CRADD: variants seen among roughly 807,000 people sequenced by gnomAD.
CRADD encodes CARD and death domain containing adaptor protein.
In CRADD, 9 loss-of-function variants were observed where a neutral mutation model predicts 15.5. The observed-to-expected ratio is 0.58, with a 90% confidence interval of 0.35 to 1.01. CRADD has a LOEUF of 1.01. Ranked by LOEUF, CRADD falls within the 50% of genes least tolerant of loss-of-function variation. The probability of loss-of-function intolerance (pLI) is 0.02; values close to 1 mark genes in which losing one functional copy is unlikely to be tolerated. For missense variants in CRADD, 227 were observed against 250.3 expected (o/e 0.91, Z 0.63); for synonymous variants, 118 against 107.6 (o/e 1.10, Z -0.60).
intron 2 of CRADD, among the ~76,000 whole-genome samples, chr12:93,891,818 C>A (rs1318265422): frequency 6.6e-6 from 1 of 152,198 alleles, no homozygotes; most frequent in Non-Finnish European, 1.5e-5. Context: ...GCACTTCTCA[C>A]CACACTGCCT....
chr12:93,773,902 A>G (rs1441145524), intron 2 of CRADD, among the ~76,000 whole-genome samples: 1 of 140,910 alleles, frequency 7.1e-6, no homozygotes, highest in East Asian at 2.3e-4. Context: ...CTCTAGTGCA[A>G]TGGTGTGATC....
chr12:93,739,493 T>TA (rs796135681), intron 2 of CRADD, among the ~76,000 whole-genome samples: 101 of 143,094 alleles, frequency 7.1e-4, no homozygotes, highest in African/African-American at 1.4e-3. Context: ...GAGGAGTTCC[T>TA]AAAAAAAAAA....
intron 2 of CRADD, among the ~76,000 whole-genome samples, chr12:93,681,812 C>G (rs1341513507): frequency 6.6e-6 from 1 of 152,020 alleles, no homozygotes; most frequent in Middle Eastern, 3.2e-3. Flanking sequence ...CTAAAAATCA[C>G]TTTTAAAATC....
At chr12:93,696,004 C>T (rs1022107483) in intron 2 of CRADD, among the ~76,000 whole-genome samples, 2 of 152,040 alleles carry the variant, frequency 1.3e-5, no homozygotes, top group Admixed American at 1.3e-4. Context: ...TCGCAAATCA[C>T]CAGGGAAATG....
intron 2 of CRADD, among the ~76,000 whole-genome samples, chr12:93,892,153 C>T (rs756453070): frequency 1.3e-5 from 2 of 152,154 alleles, no homozygotes; most frequent in African/African-American, 2.4e-5. Flanking sequence ...TCTTTGCTCA[C>T]GCTGCTTTAC....
At position 93,869,704 on chromosome 12, in the gene CRADD, A is replaced by G. The variant is rs532732257; in HGVS notation, c.299-24346A>G. ...GGATCAACATCAGTTTGAAAACAAC[A>G]GAAGGAAAGATCAGAGAACTTGAAG... is the stretch of plus-strand genomic sequence containing the variant. On this transcript the variant is annotated intron_variant, in intron 2 of 2. Coordinates refer to the CRADD transcript ENST00000548483. 3.0e-4 allele frequency among the ~76,000 whole-genome samples: 46 copies of G among 152,314 alleles called. 1 individual carries two copies. In the South Asian group the frequency reaches 8.9e-3, roughly 29 times the overall value.
chr12:93,825,682 C>G (rs924522243), intron 2 of CRADD, among the ~76,000 whole-genome samples: 1 of 152,138 alleles, frequency 6.6e-6, no homozygotes, highest in Non-Finnish European at 1.5e-5. Context: ...CTGGCTAAGC[C>G]TAGGAGAAGC....
intron 2 of CRADD, among the ~76,000 whole-genome samples, chr12:93,802,165 G>T (rs930514590): frequency 6.6e-6 from 1 of 152,206 alleles, no homozygotes; most frequent in Non-Finnish European, 1.5e-5. Flanking sequence ...GCATGTGCAT[G>T]TGTCTTTTTC....
intron 2 of CRADD, among the ~76,000 whole-genome samples, chr12:93,709,618 A>G (rs1021890240): frequency 1.3e-5 from 2 of 152,194 alleles, no homozygotes; most frequent in Non-Finnish European, 2.9e-5. Flanking sequence ...GCTGTGTAGT[A>G]TTCCATGGTG....
chr12:93,783,959 G>A (rs564432582), intron 2 of CRADD, among the ~76,000 whole-genome samples: 21 of 152,294 alleles, frequency 1.4e-4, no homozygotes, highest in South Asian at 1.2e-3. Context: ...CTGGATGTCA[G>A]AACCAGACAT....
chr12:93,747,057 C>G (rs1565899073), intron 2 of CRADD, among the ~76,000 whole-genome samples: 2 of 152,042 alleles, frequency 1.3e-5, no homozygotes, highest in African/African-American at 4.8e-5. Flanking sequence ...ATGGTTTTCA[C>G]CACTTTTGGG....
At chr12:93,878,518 AC>A (rs1040226403) in intron 2 of CRADD, among the ~76,000 whole-genome samples, 1 of 151,854 alleles carries the variant, frequency 6.6e-6, no homozygotes, top group Non-Finnish European at 1.5e-5. Flanking sequence ...CACATGCCCC[AC>A]CCCCAGTCCA....
intron 2 of CRADD, among the ~76,000 whole-genome samples, chr12:93,741,523 C>T (rs1592951882): frequency 6.6e-6 from 1 of 152,194 alleles, no homozygotes; most frequent in Non-Finnish European, 1.5e-5. Context: ...TCATAGGAAG[C>T]TTTGGATCTT....
At position 93,684,977 on chromosome 12, in the gene CRADD, T is replaced by G. The variant is rs11107151; in HGVS notation, c.298+5905T>G. Among the ~76,000 whole-genome samples, 1,403 of 152,336 alleles carry G rather than the reference T, an allele frequency of 9.2e-3. 16 individuals carry two copies. The highest frequency in any genetic ancestry group is 0.032 in the African/African-American group (1,344 of 41,568). On this transcript the variant is annotated intron_variant, in intron 2 of 2. Transcript: ENST00000332896. Reference sequence around the variant, plus strand: ...AGATGTGTGTGCAGCCGTGATCTTGTGTGGCTCGTAGCATGACTTTAGTTG... The same window carrying G: ...AGATGTGTGTGCAGCCGTGATCTTGGGTGGCTCGTAGCATGACTTTAGTTG...
At chr12:93,810,218 A>C (rs1174336416) in intron 2 of CRADD, among the ~76,000 whole-genome samples, 1 of 151,070 alleles carries the variant, frequency 6.6e-6, no homozygotes, top group Non-Finnish European at 1.5e-5. Flanking sequence ...TGCTGATGAG[A>C]GAAGACAGGA....
chr12:93,761,519 G>A (rs866258477), intron 2 of CRADD, among the ~76,000 whole-genome samples: 5 of 152,288 alleles, frequency 3.3e-5, no homozygotes, highest in Middle Eastern at 3.4e-3. Context: ...GGTGGGTGGA[G>A]TGGCCATTTA....
chr12:93,698,717 C>G (rs751098409), intron 2 of CRADD, among the ~76,000 whole-genome samples: 14 of 152,060 alleles, frequency 9.2e-5, no homozygotes, highest in Non-Finnish European at 1.9e-4. Context: ...CTGCCAGTGT[C>G]ATTTTAAAAT....
At chr12:93,808,985 G>A (rs1957587231) in intron 2 of CRADD, among the ~76,000 whole-genome samples, 1 of 152,054 alleles carries the variant, frequency 6.6e-6, no homozygotes, top group Admixed American at 6.5e-5. Context: ...CGCCTTCTTG[G>A]CTCACTTCAG....
At chr12:93,680,204 A>C (rs1955248657) in intron 2 of CRADD, among the ~76,000 whole-genome samples, 1 of 152,228 alleles carries the variant, frequency 6.6e-6, no homozygotes. Context: ...AAATTGAAAA[A>C]AAAAAGTAAT....
Sources: allele counts gnomAD v4.1 joint callset (sites outside exome capture counted in the v4.1 genomes callset), GRCh38; gene constraint gnomAD v4.1.1; transcripts MANE v1.5; gene names NCBI Gene and HGNC (gene_info 2026-07-23, HGNC 2026-07-21).